The following COBL variants were observed in gnomAD, a reference collection of about 807,000 sequenced individuals.
COBL encodes the protein cordon-bleu WH2 repeat protein, also known as protein cordon-bleu.
COBL carries 51 observed loss-of-function variants against 98.8 expected under a neutral mutation model. The ratio of observed to expected loss-of-function variants is 0.52; its 90% confidence interval spans 0.41 to 0.65. The LOEUF (loss-of-function observed/expected upper bound fraction) is 0.65, where lower values mean the gene tolerates loss of function less well. Among genes scored for constraint, COBL ranks in the 30% least tolerant of loss-of-function variants. The pLI is 0.00. For missense variants in COBL, 1,617 were observed against 1,617.5 expected, an observed-to-expected ratio of 1.00 and a Z score of 0.01; for synonymous variants, 634 against 651.7, an observed-to-expected ratio of 0.97 and a Z score of 0.41.
At chr7:51,052,360 T>C (rs1039556002) in intron 7 of COBL, among the ~76,000 whole-genome samples, 2 of 152,230 alleles carry the variant, frequency 1.3e-5, no homozygotes, top group African/African-American at 4.8e-5. Flanking sequence ...TGAGTATATC[T>C]GCATTTAGAC....
chr7:51,296,488 CT>C lies in COBL; in HGVS notation c.41+20104del, dbSNP rs562523001. 1.5e-4 allele frequency among the ~76,000 whole-genome samples: 23 copies of C among 151,750 alleles called. No individual in the cohort carries two copies. In the South Asian group the frequency reaches 3.7e-3, roughly 25 times the overall value. ...TTCTATTCTTTTGTTTTTGGTTTTGCTTTTTTACCAAAGTTAACTTGTGTAA... is the reference window on the plus strand; with the variant it reads ...TTCTATTCTTTTGTTTTTGGTTTTGCTTTTTACCAAAGTTAACTTGTGTAA... On this transcript the variant is annotated intron_variant, in intron 1 of 12. Transcript: ENST00000265136.
intron 2 of COBL, 27 bp downstream of exon 2, chr7:51,219,714 G>A (rs377272607): frequency 3.1e-6 from 5 of 1,606,696 alleles, no homozygotes; most frequent in Middle Eastern, 1.7e-4. Context: ...TGAGTACAGC[G>A]ACTCCTCCTG....
At chr7:51,277,485 C>G (rs4948213) in intron 1 of COBL, among the ~76,000 whole-genome samples, 2 of 152,090 alleles carry the variant, frequency 1.3e-5, no homozygotes, top group East Asian at 3.9e-4. Context: ...TAAAAATTGA[C>G]GACAGGACTG....
intron 6 of COBL, among the ~76,000 whole-genome samples, chr7:51,110,688 C>T (rs1346767806): frequency 6.6e-6 from 1 of 152,162 alleles, no homozygotes; most frequent in Non-Finnish European, 1.5e-5. Flanking sequence ...CTTAACCAAC[C>T]TTCCACTCTT....
At chr7:51,061,319 C>T (rs1335018655) in intron 7 of COBL, among the ~76,000 whole-genome samples, 1 of 152,030 alleles carries the variant, frequency 6.6e-6, no homozygotes, top group Non-Finnish European at 1.5e-5. Flanking sequence ...ACATACGCGA[C>T]TTCCATAGCA....
chr7:51,308,500 T>C (rs1001082409), intron 1 of COBL, among the ~76,000 whole-genome samples: 3 of 152,218 alleles, frequency 2.0e-5, no homozygotes, highest in African/African-American at 7.2e-5. Context: ...CTTACTTAAC[T>C]GCTCAAGCCA....
intron 1 of COBL, among the ~76,000 whole-genome samples, chr7:51,279,924 G>A (rs1799663433): frequency 6.6e-6 from 1 of 152,114 alleles, no homozygotes; most frequent in African/African-American, 2.4e-5. Flanking sequence ...GTTTTTCCAT[G>A]TCTTTCTATG....
At chr7:51,024,499 G>A (rs1040840327) in intron 12 of COBL, among the ~76,000 whole-genome samples, 2 of 152,080 alleles carry the variant, frequency 1.3e-5, no homozygotes, top group East Asian at 3.9e-4. Flanking sequence ...TTTAATCTAG[G>A]AATTCCATTG....
At chr7:51,194,866 GT>G (rs542967933) in intron 2 of COBL, among the ~76,000 whole-genome samples, 5 of 149,494 alleles carry the variant, frequency 3.3e-5, no homozygotes, top group South Asian at 2.1e-4. Context: ...AATGGGTTTT[GT>G]TTTTTTTTCT....
chr7:51,045,441 GC>G (rs1178349635), intron 7 of COBL, among the ~76,000 whole-genome samples: 6 of 152,148 alleles, frequency 3.9e-5, no homozygotes, highest in African/African-American at 1.4e-4. Flanking sequence ...GAATGACAGT[GC>G]TGTATGGTCA....
At chr7:51,263,048 G>A (rs1227004371) in intron 1 of COBL, among the ~76,000 whole-genome samples, 1 of 152,210 alleles carries the variant, frequency 6.6e-6, no homozygotes, top group Admixed American at 6.5e-5. Flanking sequence ...GGGCCCTGAC[G>A]CAGTGTTAAG....
intron 1 of COBL, among the ~76,000 whole-genome samples, chr7:51,239,652 T>G (rs1301129673): frequency 1.3e-5 from 2 of 152,218 alleles, no homozygotes; most frequent in Admixed American, 1.3e-4. Context: ...CTTTCTTGCA[T>G]GAGATCCAAG....
chr7:51,314,912 C>T (rs997951447), intron 1 of COBL, among the ~76,000 whole-genome samples: 3 of 152,202 alleles, frequency 2.0e-5, no homozygotes, highest in African/African-American at 7.2e-5. Context: ...CACACAGTAC[C>T]AGGCTGAAAA....
At chr7:51,058,692 A>T (rs1791017055) in intron 7 of COBL, among the ~76,000 whole-genome samples, 1 of 152,200 alleles carries the variant, frequency 6.6e-6, no homozygotes, top group Admixed American at 6.5e-5. Context: ...CGGGGATAAG[A>T]ATAACAGTAT....
chr7:51,307,056 G>A (rs531699309), intron 1 of COBL, among the ~76,000 whole-genome samples: 1 of 152,262 alleles, frequency 6.6e-6, no homozygotes, highest in South Asian at 2.1e-4. Flanking sequence ...ACAAAACCAA[G>A]AGGACAGGCC....
intron 1 of COBL, among the ~76,000 whole-genome samples, chr7:51,267,580 T>G (rs1321775182): frequency 6.6e-6 from 1 of 152,146 alleles, no homozygotes; most frequent in East Asian, 1.9e-4. Context: ...GAACTTTTGT[T>G]GTTGTTGTTT....
At chr7:51,304,209 G>T (rs1802253231) in intron 1 of COBL, among the ~76,000 whole-genome samples, 1 of 152,176 alleles carries the variant, frequency 6.6e-6, no homozygotes, top group Non-Finnish European at 1.5e-5. Flanking sequence ...AGAACTGCTA[G>T]GAGAGCAAAA....
At chr7:51,127,879 C>T (rs2128997312) in intron 6 of COBL, among the ~76,000 whole-genome samples, 1 of 152,280 alleles carries the variant, frequency 6.6e-6, no homozygotes, top group African/African-American at 2.4e-5. Context: ...TTGTTCTTGA[C>T]CTTCACTGGA....
chr7:51,244,767 A>G (rs1365260067), intron 1 of COBL, among the ~76,000 whole-genome samples: 1 of 152,012 alleles, frequency 6.6e-6, no homozygotes, highest in Non-Finnish European at 1.5e-5. Context: ...GCCCCATTAT[A>G]TCATTGCTGC....
Sources: gnomAD v4.1 joint callset for allele counts (sites outside exome capture counted in the v4.1 genomes callset) on GRCh38, gnomAD v4.1.1 for gene constraint, MANE v1.5 for transcripts, NCBI Gene and HGNC (gene_info 2026-07-23, HGNC 2026-07-21) for gene names.